PRIM2: variants seen among roughly 807,000 people sequenced by gnomAD.
The protein encoded by PRIM2 is DNA primase subunit 2.
PRIM2 carries 39 observed loss-of-function variants against 67.3 expected under a neutral mutation model. The observed-to-expected ratio is 0.58, with a 90% CI of 0.45 to 0.76. The LOEUF (loss-of-function observed/expected upper bound fraction) is 0.76. Ranked by LOEUF, PRIM2 falls within the 30% of genes least tolerant of loss-of-function variation. The pLI, the probability that PRIM2 is intolerant of heterozygous loss-of-function variation, is 0.00. For missense variants in PRIM2, 398 were observed against 598.7 expected (o/e 0.66, Z 3.50); for synonymous variants, 143 against 198.7 (o/e 0.72, Z 2.36).
chr6:57,583,553 A>T (rs2127485855), intron 10 of PRIM2, among the ~76,000 whole-genome samples: 1 of 151,886 alleles, frequency 6.6e-6, no homozygotes, highest in Admixed American at 6.6e-5. Context: ...TATGTGCCAC[A>T]TTTTCTTAAT....
At chr6:57,637,031 C>G (rs1777134271) in intron 13 of PRIM2, among the ~76,000 whole-genome samples, 1 of 152,118 alleles carries the variant, frequency 6.6e-6, no homozygotes, top group Non-Finnish European at 1.5e-5. Flanking sequence ...GGTGGGTGCC[C>G]CTCTGGGACG....
chr6:57,625,152 A>G (rs1445442128), intron 12 of PRIM2, among the ~76,000 whole-genome samples: 1 of 152,184 alleles, frequency 6.6e-6, no homozygotes, highest in African/African-American at 2.4e-5. Context: ...GCCAAACCAT[A>G]TATCGCAGAT....
At chr6:57,296,756 G>A in the PRIM2 span, among the ~76,000 whole-genome samples, 2 of 152,092 alleles carry the variant, frequency 1.3e-5, no homozygotes, top group Admixed American at 1.3e-4. Context: ...TAGCAACCAG[G>A]TCTAATTTCT....
chr6:57,258,713 C>T, the PRIM2 span, among the ~76,000 whole-genome samples: 1 of 152,146 alleles, frequency 6.6e-6, no homozygotes, highest in East Asian at 1.9e-4. Context: ...CATCTATCCC[C>T]TGTTCTTTTT....
intron 7 of PRIM2, among the ~76,000 whole-genome samples, chr6:57,418,468 C>T (rs1771354319): frequency 7.6e-6 from 1 of 132,364 alleles, no homozygotes; most frequent in African/African-American, 2.8e-5. Context: ...ATAATCTCGG[C>T]TCACTACAAC....
At chr6:57,597,294 T>A (rs1776383787) in intron 10 of PRIM2, among the ~76,000 whole-genome samples, 1 of 151,610 alleles carries the variant, frequency 6.6e-6, no homozygotes, top group East Asian at 1.9e-4. Context: ...GTATGAATAG[T>A]TAGAGTTGTG....
At chr6:57,489,029 C>T (rs1773817523) in intron 7 of PRIM2, among the ~76,000 whole-genome samples, 2 of 152,200 alleles carry the variant, frequency 1.3e-5, no homozygotes, top group Admixed American at 1.3e-4. Flanking sequence ...CTCTTTATCT[C>T]TTTATAAGGA....
intron 5 of PRIM2, among the ~76,000 whole-genome samples, chr6:57,337,408 T>C (rs1481447100): frequency 4.0e-5 from 6 of 151,726 alleles, no homozygotes; most frequent in African/African-American, 1.5e-4. Flanking sequence ...AGAATATACA[T>C]TTTTTTCAGC....
intron 7 of PRIM2, among the ~76,000 whole-genome samples, chr6:57,419,692 A>G (rs1329150777): frequency 1.3e-5 from 2 of 152,188 alleles, no homozygotes; most frequent in Non-Finnish European, 2.9e-5. Context: ...AGATGAGGGC[A>G]GGAGGGAGGG....
At chr6:57,539,343 A>G (rs1278141792) in intron 10 of PRIM2, among the ~76,000 whole-genome samples, 1 of 152,136 alleles carries the variant, frequency 6.6e-6, no homozygotes, top group Admixed American at 6.5e-5. Context: ...TCATTATATT[A>G]TGATTATATT....
At chr6:57,485,722 G>A (rs1392923608) in intron 7 of PRIM2, among the ~76,000 whole-genome samples, 1 of 152,074 alleles carries the variant, frequency 6.6e-6, no homozygotes, top group Non-Finnish European at 1.5e-5. Context: ...TTATCTGGTT[G>A]GCATTTAACG....
chr6:57,385,788 G>C (rs1303113020), intron 7 of PRIM2, among the ~76,000 whole-genome samples: 1 of 152,136 alleles, frequency 6.6e-6, no homozygotes, highest in East Asian at 1.9e-4. Context: ...ATTCAAGTTA[G>C]ACATTTCAAG....
intron 10 of PRIM2, among the ~76,000 whole-genome samples, chr6:57,541,222 A>G (rs1378677435): frequency 1.3e-5 from 2 of 152,200 alleles, no homozygotes; most frequent in Non-Finnish European, 2.9e-5. Context: ...GTAGTACAGT[A>G]CTGTAAATGT....
At chr6:57,456,808 C>T (rs1237562394) in intron 7 of PRIM2, among the ~76,000 whole-genome samples, 1 of 152,184 alleles carries the variant, frequency 6.6e-6, no homozygotes, top group Non-Finnish European at 1.5e-5. Context: ...ATTCTCCATC[C>T]AGCTTTGTTC....
At chr6:57,331,693 T>C (rs1375399222) in intron 5 of PRIM2, among the ~76,000 whole-genome samples, 1 of 152,004 alleles carries the variant, frequency 6.6e-6, no homozygotes, top group East Asian at 1.9e-4. Context: ...CAGTTATTCA[T>C]AGTTTTCTCT....
intron 7 of PRIM2, among the ~76,000 whole-genome samples, chr6:57,435,473 G>A (rs1771980382): frequency 6.6e-6 from 1 of 152,134 alleles, no homozygotes; most frequent in South Asian, 2.1e-4. Flanking sequence ...TCAGGCAACA[G>A]CCTGATCATT....
chr6:57,612,793 C>CTTT (rs1286246615), intron 12 of PRIM2, among the ~76,000 whole-genome samples: 3 of 131,140 alleles, frequency 2.3e-5, no homozygotes, highest in Non-Finnish European at 3.2e-5. Context: ...TTCTTTTCGC[C>CTTT]TTTTTTTTTT....
intron 5 of PRIM2, among the ~76,000 whole-genome samples, chr6:57,347,508 G>A (rs922688263): frequency 6.6e-6 from 1 of 152,176 alleles, no homozygotes; most frequent in African/African-American, 2.4e-5. Context: ...GTGCAGTGGT[G>A]TGATCACAGC....
At chr6:57,404,312 C>T (rs1770812125) in intron 7 of PRIM2, among the ~76,000 whole-genome samples, 1 of 107,932 alleles carries the variant, frequency 9.3e-6, no homozygotes, top group Non-Finnish European at 1.9e-5. Context: ...CAGGTGTTTC[C>T]ATTGCATATT....
Sources: allele counts gnomAD v4.1 joint callset (sites outside exome capture counted in the v4.1 genomes callset), GRCh38; gene constraint gnomAD v4.1.1; transcripts MANE v1.5; gene names NCBI Gene and HGNC (gene_info 2026-07-23, HGNC 2026-07-21).